The following CADPS variants were observed in gnomAD, a reference collection of about 807,000 sequenced individuals.
CADPS encodes the protein calcium-dependent secretion activator 1.
CADPS carries 57 observed loss-of-function variants against 167.3 expected under a neutral mutation model. That is an observed-to-expected ratio of 0.34 (90% CI 0.28 to 0.42). CADPS has a LOEUF of 0.42. Ranked by LOEUF, CADPS falls within the 20% of genes least tolerant of loss-of-function variation. The probability of loss-of-function intolerance (pLI) is 1.00; values close to 1 mark genes in which losing one functional copy is unlikely to be tolerated. For synonymous variants in CADPS, 676 were observed against 635.3 expected, an observed-to-expected ratio of 1.06 and a Z score of -0.96; for missense variants, 1,414 against 1,738.1, an observed-to-expected ratio of 0.81 and a Z score of 3.32.
chr3:62,601,557 C>G lies in CADPS; in HGVS notation c.1326-8809G>C, dbSNP rs745772521. On this transcript the variant is annotated intron_variant, in intron 6 of 29. Transcript: ENST00000383710. This position sits in a 1 kb window ranked among gnomAD's most constrained non-coding sequence, Gnocchi z 4.3. ...AAAGACAGCTGACCCCATGGGGATC[C>G]AATTTGCTGCTCTAAATTCTTCATG... 6.6e-6 allele frequency among the ~76,000 whole-genome samples: 1 copy of G among 152,144 alleles called. No homozygotes were observed. The highest frequency in any genetic ancestry group is 1.5e-5 in the Non-Finnish European group (1 of 68,034).
At position 62,518,201 on chromosome 3, in the gene CADPS, C is replaced by G; in HGVS notation, c.2341G>C (p.Glu781Gln). 6.2e-7 allele frequency: 1 copy of G among 1,612,948 alleles called. No individual in the cohort carries two copies. Among genetic ancestry groups the G allele is most frequent in the East Asian group, 2.2e-5 (1 of 44,836 alleles). Residue 781 changes from glutamate to glutamine, a missense_variant, in exon 14 of 30, where the codon GAA becomes CAA. Coordinates refer to ENST00000383710, the MANE Select transcript of CADPS (RefSeq NM_003716.4). ...AGAACTCGGAGCCTCTCTTTGATTT[C>G]TTCAAAACGTTCCTTTTCTTCAACA... Reference protein sequence around the residue: ...VTVEEKERFEEIKERLRVLLE... With the variant: ...VTVEEKERFEQIKERLRVLLE...
At chr3:62,625,501 C>G (rs778485934) in intron 6 of CADPS, 1 of 150,610 alleles carries the variant, frequency 6.6e-6, no homozygotes, top group Non-Finnish European at 1.5e-5. Context: ...GCTCTCTGTC[C>G]CCAGTGTTTA....
intron 6 of CADPS, among the ~76,000 whole-genome samples, chr3:62,600,863 A>C (rs970458396): frequency 2.6e-5 from 4 of 152,238 alleles, no homozygotes; most frequent in Admixed American, 2.6e-4. Flanking sequence ...CTGCACCTGT[A>C]GTCCCAGCTA....
chr3:62,440,825 AT>A (rs923576219), intron 27 of CADPS: 1 of 152,180 alleles, frequency 6.6e-6, no homozygotes, highest in African/African-American at 2.4e-5. Flanking sequence ...AACACCAGAC[AT>A]GCAGACTCAC....
intron 26 of CADPS, among the ~76,000 whole-genome samples, chr3:62,457,854 G>A (rs566629912): frequency 7.9e-5 from 12 of 152,130 alleles, no homozygotes; most frequent in African/African-American, 2.6e-4. Context: ...CAAACACCGC[G>A]TTTTCTCATA....
At chr3:62,870,945 A>C (rs1560025986) in intron 1 of CADPS, among the ~76,000 whole-genome samples, 1 of 152,162 alleles carries the variant, frequency 6.6e-6, no homozygotes, top group Admixed American at 6.5e-5. Context: ...AAAGCAAAGA[A>C]CTGCTTTCCA....
intron 28 of CADPS, among the ~76,000 whole-genome samples, chr3:62,415,674 G>A (rs565030202): frequency 6.6e-6 from 1 of 152,272 alleles, no homozygotes; most frequent in South Asian, 2.1e-4. Context: ...TGCCTTTGCT[G>A]GTAGTTTTTT....
At chr3:62,782,330 C>A (rs1349036839) in intron 1 of CADPS, among the ~76,000 whole-genome samples, 3 of 152,198 alleles carry the variant, frequency 2.0e-5, no homozygotes, top group Non-Finnish European at 2.9e-5. Context: ...CACACATCCA[C>A]CCACCTGTTC....
intron 3 of CADPS, among the ~76,000 whole-genome samples, chr3:62,730,299 G>C (rs2077524540): frequency 6.6e-6 from 1 of 152,126 alleles, no homozygotes; most frequent in Non-Finnish European, 1.5e-5. Context: ...CATTTTGGTT[G>C]TCACCAATAG....
intron 2 of CADPS, among the ~76,000 whole-genome samples, chr3:62,762,282 A>T (rs970674765): frequency 1.3e-5 from 2 of 152,250 alleles, no homozygotes; most frequent in African/African-American, 4.8e-5. Context: ...TAATATAAAT[A>T]AAACCAATAT....
rs1049655108 is a variant in CADPS, at chr3:62,601,737, T to C, written c.1326-8989A>G. Among the ~76,000 whole-genome samples, 7 of 152,280 alleles carry C rather than the reference T, an allele frequency of 4.6e-5. No individual in the cohort carries two copies. The highest frequency in any genetic ancestry group is 1.7e-4 in the African/African-American group (7 of 41,554). ...CATTATTAATATCAAATAATAAACA[T>C]GAGTAGCAGATGATTCATATTTAGG... On this transcript the variant is annotated intron_variant, in intron 6 of 29. Coordinates refer to ENST00000383710, the MANE Select transcript of CADPS (RefSeq NM_003716.4). The surrounding 1 kb of genome is among the most constrained non-coding windows in gnomAD (Gnocchi z 4.3).
In CADPS at chr3:62,874,989, A is replaced by G. The variant is rs770846736; in HGVS notation, c.41T>C (p.Ile14Thr). 1.0e-5 allele frequency: 16 copies of G among 1,595,864 alleles called. No homozygotes were observed. The highest frequency in any genetic ancestry group is 5.5e-5 in the South Asian group (5 of 90,738). The change falls in exon 1 of 30, where the codon ATC becomes ACC. Residue 14 changes from isoleucine (I) to threonine (T), a missense_variant. Physicochemically the swap from Ile to Thr is moderately conservative, Grantham distance 89. Around this residue, in one of 6 missense-constraint regions of CADPS, gnomAD observed 522 missense variants for 559.5 expected, o/e 0.93. Coordinates refer to ENST00000383710, the MANE Select transcript of CADPS (RefSeq NM_003716.4). The surrounding 1 kb of genome is among the most constrained non-coding windows in gnomAD (Gnocchi z 7.1). ...CTCCTTGCCGCTCTCCTCCTCCACGATCTCATCCGATTCTTCTTCGCTGGA... is the reference window on the plus strand; with the variant it reads ...CTCCTTGCCGCTCTCCTCCTCCACGGTCTCATCCGATTCTTCTTCGCTGGA... ...PSSSEEESDE[I>T]VEEESGKEVL...
At chr3:62,750,103 G>C (rs905111628) in intron 3 of CADPS, among the ~76,000 whole-genome samples, 1 of 152,058 alleles carries the variant, frequency 6.6e-6, no homozygotes, top group African/African-American at 2.4e-5. Context: ...TATAATCCCA[G>C]CACTTTGGGA....
intron 3 of CADPS, among the ~76,000 whole-genome samples, chr3:62,697,581 C>G (rs941146148): frequency 6.6e-6 from 1 of 152,000 alleles, no homozygotes; most frequent in Non-Finnish European, 1.5e-5. Context: ...GTGCAAGCGT[C>G]TTTTTTGTAT....
chr3:62,680,952 T>TCATGGTC (rs2077066352), intron 3 of CADPS, among the ~76,000 whole-genome samples: 2 of 152,010 alleles, frequency 1.3e-5, no homozygotes, highest in Non-Finnish European at 2.9e-5. Flanking sequence ...TCCTGGTTCT[T>TCATGGTC]CATGGTCTGG....
intron 3 of CADPS, among the ~76,000 whole-genome samples, chr3:62,671,727 A>G (rs1006086186): frequency 2.0e-5 from 3 of 151,956 alleles, no homozygotes; most frequent in Non-Finnish European, 2.9e-5. Context: ...CCAAATAAAT[A>G]TGATATTCCG....
At chr3:62,732,349 A>T (rs2078069969) in intron 3 of CADPS, among the ~76,000 whole-genome samples, 2 of 152,170 alleles carry the variant, frequency 1.3e-5, no homozygotes, top group Non-Finnish European at 2.9e-5. Flanking sequence ...GGAAGTGAAG[A>T]CCTCAGTCCA....
intron 1 of CADPS, among the ~76,000 whole-genome samples, chr3:62,826,012 G>A (rs2073974738): frequency 1.3e-5 from 2 of 152,122 alleles, no homozygotes; most frequent in South Asian, 4.1e-4. Context: ...CTATGCACAG[G>A]CCATGGACTT....
In CADPS at chr3:62,798,224, G is replaced by A. The variant is rs978661473; in HGVS notation, c.442-32240C>T. On this transcript the variant is annotated intron_variant, in intron 1 of 29. Transcript: ENST00000383710. The stretch of plus-strand genomic sequence containing the variant: ...AAGGAGATTAACACTGGAGTCAGTC[G>A]ACTGGGAGAGACAGACCCATCCTTA... 5.9e-5 allele frequency among the ~76,000 whole-genome samples: 9 copies of A among 152,236 alleles called. No homozygotes were observed. In the East Asian group the frequency reaches 7.7e-4, roughly 13 times the overall value.
Sources: gnomAD v4.1 joint callset for allele counts (sites outside exome capture counted in the v4.1 genomes callset) on GRCh38, gnomAD v4.1.1 for gene constraint, gnomAD v4.1.1 regional missense constraint, Gnocchi (gnomAD v3.1) non-coding constraint, MANE v1.5 for transcripts, NCBI Gene and HGNC (gene_info 2026-07-23, HGNC 2026-07-21) for gene names.